TSPAN16: variants seen among roughly 807,000 people sequenced by gnomAD.
TSPAN16 encodes the protein tetraspanin-16.
In TSPAN16, 23 loss-of-function variants were observed where a neutral mutation model predicts 25.2. The ratio of observed to expected loss-of-function variants is 0.91; its 90% CI spans 0.66 to 1.29. The LOEUF is 1.29. TSPAN16 is among the 50% of genes most tolerant of loss of function. The pLI is 0.00. For missense variants in TSPAN16, 272 were observed against 299.9 expected (o/e 0.91, Z 0.69); for synonymous variants, 123 against 124.4 (o/e 0.99, Z 0.08).
At chr19:11,307,405 C>A (rs2147947213) in intron 5 of TSPAN16, among the ~76,000 whole-genome samples, 1 of 151,930 alleles carries the variant, frequency 6.6e-6, no homozygotes, top group South Asian at 2.1e-4. Flanking sequence ...CAGGCATGAG[C>A]CACCACACCC....
intron 6 of TSPAN16, among the ~76,000 whole-genome samples, chr19:11,315,151 G>A (rs1490578542): frequency 6.6e-6 from 1 of 150,982 alleles, no homozygotes; most frequent in Admixed American, 6.6e-5. Flanking sequence ...CAGGAGAATT[G>A]CTTGAACCCG....
chr19:11,305,174 T>C (rs1305917052), intron 4 of TSPAN16, among the ~76,000 whole-genome samples: 1 of 152,142 alleles, frequency 6.6e-6, no homozygotes, highest in Non-Finnish European at 1.5e-5. Context: ...CTCCCACTAA[T>C]ATTTATTGAG....
chr19:11,296,197 T>C lies in TSPAN16; in HGVS notation c.-101T>C. 3.1e-6 allele frequency: 4 copies of C among 1,276,468 alleles called. No individual in the cohort carries two copies. The South Asian group carries it at 3.9e-5, about 13-fold the overall frequency. 79.1% of individuals were successfully genotyped at this position (1,276,468 alleles called of 1,614,324 possible). On this transcript the variant is annotated 5_prime_UTR_variant, in exon 1 of 7. Coordinates refer to ENST00000590327, the MANE Select transcript of TSPAN16 (RefSeq NM_001282509.2). ...CACAGAGGGGCAGAGCAAGTCAGCATTGGCGCCCCTTCCTCAGATCCCTAT... is the reference window on the plus strand; with the variant it reads ...CACAGAGGGGCAGAGCAAGTCAGCACTGGCGCCCCTTCCTCAGATCCCTAT...
intron 6 of TSPAN16, chr19:11,326,722 G>GC: frequency 2.9e-6 from 2 of 684,710 alleles, no homozygotes; most frequent in Non-Finnish European, 5.3e-6. Context: ...TCCCGCCTTG[G>GC]CCCCCTGAGT....
At chr19:11,309,674 C>G (rs1218336547) in intron 5 of TSPAN16, among the ~76,000 whole-genome samples, 1 of 152,222 alleles carries the variant, frequency 6.6e-6, no homozygotes, top group Admixed American at 6.5e-5. Context: ...TTTATCACCA[C>G]TTTACAGTAT....
intron 4 of TSPAN16, among the ~76,000 whole-genome samples, chr19:11,305,861 G>A (rs1320247680): frequency 6.6e-6 from 1 of 152,212 alleles, no homozygotes; most frequent in African/African-American, 2.4e-5. Flanking sequence ...TTACTGACAT[G>A]TGAATGAAGA....
chr19:11,307,063 C>A (rs537754531), intron 5 of TSPAN16, among the ~76,000 whole-genome samples: 1 of 151,898 alleles, frequency 6.6e-6, no homozygotes, highest in Non-Finnish European at 1.5e-5. Context: ...CCACCTTGGC[C>A]TCCCAAAGTG....
intron 3 of TSPAN16, among the ~76,000 whole-genome samples, chr19:11,300,201 A>G (rs2080529030): frequency 6.6e-6 from 1 of 152,164 alleles, no homozygotes; most frequent in Non-Finnish European, 1.5e-5. Context: ...ACCCTGAAAC[A>G]ATAATTCAAA....
At chr19:11,320,122 C>CTTTTTT (rs373015307), downstream of TSPAN16, among the ~76,000 whole-genome samples, 153 of 106,784 alleles carry the variant, frequency 1.4e-3, 14 homozygotes, top group African/African-American at 6.1e-3. Flanking sequence ...CCGGCCAGGA[C>CTTTTTT]TTTTTTTTTT....
chr19:11,326,427 C>A (rs1420308771), intron 6 of TSPAN16, among the ~76,000 whole-genome samples: 2 of 152,096 alleles, frequency 1.3e-5, no homozygotes, highest in Admixed American at 6.5e-5. Flanking sequence ...ATGGTCTGGA[C>A]AATCCTAAGA....
Position 11,298,188 on chromosome 19 carries a change from G to T in TSPAN16, c.116G>T (p.Gly39Val). 5.0e-6 allele frequency: 8 copies of T among 1,614,172 alleles called. No individual in the cohort carries two copies. Among genetic ancestry groups the T allele is most frequent in the Non-Finnish European group, 6.8e-6 (8 of 1,180,032 alleles). ...GGCCTGGGCATTGGTGGTAAATGTG[G>T]AGGGGCCTCTCTGACGAATGTCCTC... Reference protein sequence around the residue: ...LVGLGIGGKCGGASLTNVLGL... With the variant: ...LVGLGIGGKCVGASLTNVLGL... Residue 39 changes from glycine (G) to valine (V), a missense_variant, in exon 2 of 7, where the codon GGA becomes GTA. Gly to Val is a moderately radical substitution (Grantham distance 109). Transcript: ENST00000590327.
rs2080743301 is a variant in TSPAN16 at position 11,315,768 on chromosome 19, GTTTC to G, written c.688-16_688-13del. Reference sequence around the variant, plus strand: ...TGGAGGTCTCTAGCATTGGATCCATGTTTCTTTCTTCACGCATTTCAGTTGCCAG... The same window carrying G: ...TGGAGGTCTCTAGCATTGGATCCATGTTTCTTCACGCATTTCAGTTGCCAG... On this transcript the variant is annotated intron_variant, in intron 6 of 6. Transcript: ENST00000590327. 29 of 1,231,474 alleles carry G rather than the reference GTTTC, an allele frequency of 2.4e-5. No individual in the cohort carries two copies. Among genetic ancestry groups the G allele is most frequent in the Non-Finnish European group, 2.7e-5 (27 of 987,540 alleles). 76.3% of individuals were successfully genotyped at this position (1,231,474 alleles called of 1,614,324 possible). A position where few individuals can be genotyped will look rare whatever the true frequency, so the allele number is the denominator to read the frequency against.
At chr19:11,301,078 T>A in intron 3 of TSPAN16, 123 bp from the exon 4 acceptor site, 1 of 726,740 alleles carries the variant, frequency 1.4e-6, no homozygotes, top group Admixed American at 2.2e-5. Flanking sequence ...GAGCTGAGGG[T>A]AGGAAAAATG....
At chr19:11,319,639 AAAG>A (rs2147960905), downstream of TSPAN16, among the ~76,000 whole-genome samples, 1 of 151,906 alleles carries the variant, frequency 6.6e-6, no homozygotes, top group South Asian at 2.1e-4. Context: ...AAAAACAAAA[AAAG>A]GAGACAACTC....
At chr19:11,302,305 A>G (rs895073385) in intron 4 of TSPAN16, among the ~76,000 whole-genome samples, 1 of 151,940 alleles carries the variant, frequency 6.6e-6, no homozygotes, top group Non-Finnish European at 1.5e-5. Flanking sequence ...CTGTCTGTCT[A>G]TATGAATCTG....
At chr19:11,301,334 T>A in intron 4 of TSPAN16, 26 bp downstream of exon 4, 8 of 1,505,878 alleles carry the variant, frequency 5.3e-6, no homozygotes, top group Non-Finnish European at 6.5e-6. Flanking sequence ...AAAAAAAAAA[T>A]TGTGGTGTAA....
intron 1 of TSPAN16, 65 bp downstream of exon 1, chr19:11,296,431 AAGAC>A: frequency 1.3e-6 from 2 of 1,536,442 alleles, no homozygotes; most frequent in South Asian, 2.2e-5. Context: ...AGCTCCCTGA[AAGAC>A]AGAAATAAGT....
downstream of TSPAN16, among the ~76,000 whole-genome samples, chr19:11,320,649 G>A (rs1019372047): frequency 6.6e-6 from 1 of 150,688 alleles, no homozygotes; most frequent in African/African-American, 2.5e-5. Context: ...CTCCAGCCAG[G>A]GCCATACGGC....
chr19:11,302,941 T>G (rs2080580024), intron 4 of TSPAN16, among the ~76,000 whole-genome samples: 1 of 149,490 alleles, frequency 6.7e-6, no homozygotes, highest in African/African-American at 2.5e-5. Flanking sequence ...AGGCTGATCT[T>G]AAAAACTCCT....
Sources: allele counts gnomAD v4.1 joint callset (sites outside exome capture counted in the v4.1 genomes callset), GRCh38; gene constraint gnomAD v4.1.1; transcripts MANE v1.5; gene names NCBI Gene and HGNC (gene_info 2026-07-23, HGNC 2026-07-21).